Variants in GP6 observed in about 807,000 individuals in gnomAD.
The protein encoded by GP6 is platelet glycoprotein VI.
GP6 carries 45 observed loss-of-function variants against 37.3 expected under a neutral mutation model. That is an observed-to-expected ratio of 1.21 (90% CI 0.95 to 1.55). GP6 has a LOEUF of 1.55. Among genes scored for constraint, GP6 ranks in the 40% most tolerant of loss-of-function variants. The pLI is 0.00. For missense variants in GP6, 813 were observed against 760.2 expected, an observed-to-expected ratio of 1.07 and a Z score of -0.82; for synonymous variants, 340 against 316.4, an observed-to-expected ratio of 1.07 and a Z score of -0.79.
chr19:55,017,500 T>C (rs2073919666), intron 6 of GP6, among the ~76,000 whole-genome samples: 1 of 151,914 alleles, frequency 6.6e-6, no homozygotes, highest in African/African-American at 2.4e-5. Flanking sequence ...AAGGCTTTCT[T>C]GAGGAATTGA....
intron 5 of GP6, among the ~76,000 whole-genome samples, chr19:55,020,465 G>A (rs149507013): frequency 2.6e-4 from 40 of 152,154 alleles, no homozygotes; most frequent in Non-Finnish European, 5.1e-4. Flanking sequence ...GTGAGAACAT[G>A]CAGTGTTTGG....
At chr19:55,034,126 G>GTATATGTGTA (rs1206181262) in intron 1 of GP6, among the ~76,000 whole-genome samples, 1 of 42,516 alleles carries the variant, frequency 2.4e-5, no homozygotes, top group African/African-American at 7.9e-5. Flanking sequence ...ACGTGTATAT[G>GTATATGTGTA]TATGTATATG....
chr19:55,017,768 A>G (rs1246694254), intron 6 of GP6, among the ~76,000 whole-genome samples: 1 of 152,120 alleles, frequency 6.6e-6, no homozygotes, highest in Non-Finnish European at 1.5e-5. Flanking sequence ...GAAGGCTTCC[A>G]TCACAGAACT....
intron 5 of GP6, among the ~76,000 whole-genome samples, chr19:55,021,953 CTTTT>C (rs2146759748): frequency 6.6e-6 from 1 of 151,174 alleles, no homozygotes; most frequent in East Asian, 1.9e-4. Context: ...TAAACGTCTT[CTTTT>C]GAGAAGTGAC....
At chr19:55,035,152 AGT>A (rs2146912212) in intron 1 of GP6, among the ~76,000 whole-genome samples, 1 of 152,314 alleles carries the variant, frequency 6.6e-6, no homozygotes, top group East Asian at 1.9e-4. Context: ...CTAGTGAGAC[AGT>A]ATCTTATCCA....
intron 5 of GP6, among the ~76,000 whole-genome samples, chr19:55,019,106 T>C (rs2073981064): frequency 2.6e-5 from 2 of 78,294 alleles, no homozygotes; most frequent in Admixed American, 1.6e-4. Flanking sequence ...TTCTTTTTTT[T>C]CTTTTTTTTT....
At chr19:55,026,880 C>A (rs4622631) in intron 4 of GP6, among the ~76,000 whole-genome samples, 107,423 of 142,152 alleles carry the variant, frequency 0.76, 41,597 homozygotes, top group East Asian at 0.86. Flanking sequence ...AGTGAGACTT[C>A]GTCAAAAAAA....
chr19:55,023,095 C>T (rs538800589), intron 5 of GP6, among the ~76,000 whole-genome samples: 1 of 152,248 alleles, frequency 6.6e-6, no homozygotes, highest in African/African-American at 2.4e-5. Flanking sequence ...CAGGCTCAGA[C>T]TTCAGACTAT....
At chr19:55,034,631 AGAG>A (rs986883277) in intron 1 of GP6, among the ~76,000 whole-genome samples, 3 of 151,814 alleles carry the variant, frequency 2.0e-5, no homozygotes, top group East Asian at 1.9e-4. Flanking sequence ...CAGAAAACGA[AGAG>A]GAGGAGGAAA....
Position 55,027,672 on chromosome 19 carries a change from G to A in GP6, c.516C>T (p.Ala172=), listed in dbSNP as rs754483221. 3 of 1,612,054 alleles carry A rather than the reference G, an allele frequency of 1.9e-6. No homozygotes were observed. Among genetic ancestry groups the A allele is most frequent in the Admixed American group, 1.7e-5 (1 of 60,008 alleles). ...AGCATCGGTAGGTTCCGCTGTGGGC[G>A]GCGGTCACCGTGATGATGGGAAAAC... is the stretch of plus-strand genomic sequence containing the variant. Residue 172 remains alanine (A), a synonymous_variant, in exon 4 of 8, where the codon GCC becomes GCT. Transcript: ENST00000310373.
chr19:55,033,044 G>C (rs1291665819), intron 1 of GP6, among the ~76,000 whole-genome samples: 4 of 56,040 alleles, frequency 7.1e-5, no homozygotes, highest in Non-Finnish European at 1.7e-4. Context: ...CGGTGGACTC[G>C]TTCGTGTTGT....
At position 55,014,959 on chromosome 19, in the gene GP6, C is replaced by G; in HGVS notation, c.986G>C (p.Arg329Thr). The stretch of plus-strand genomic sequence containing the variant: ...CCGCGGCTGTGAACATCCTGTCGGC[C>G]TCCATCCTGACCCCCGTTTGATTTC... The change falls in exon 8 of 8, where the codon AGG becomes ACG. Residue 329 changes from arginine (R) to threonine (T), a missense_variant. Coordinates refer to ENST00000310373, the MANE Select transcript of GP6 (RefSeq NM_001083899.2). The G allele has an allele frequency of 6.2e-7, 1 of 1,613,682 alleles. No individual in the cohort carries two copies. The highest frequency in any genetic ancestry group is 1.1e-5 in the South Asian group (1 of 91,026).
chr19:55,026,273 T>C (rs896350861), intron 4 of GP6, among the ~76,000 whole-genome samples: 1 of 152,236 alleles, frequency 6.6e-6, no homozygotes, highest in Non-Finnish European at 1.5e-5. Context: ...TGGTACAATA[T>C]GTTGACCTCT....
chr19:55,036,901 T>C (rs4806635), intron 1 of GP6, among the ~76,000 whole-genome samples: 123,763 of 152,054 alleles, frequency 0.81, 50,744 homozygotes, highest in East Asian at 0.98. Flanking sequence ...ATCCCAACTA[T>C]TCGGGAGGCT....
At chr19:55,027,985 A>C (rs2074378084) in intron 3 of GP6, 123 bp from the exon 4 acceptor site, 1 of 922,538 alleles carries the variant, frequency 1.1e-6, no homozygotes, top group Admixed American at 1.8e-5. Flanking sequence ...CAGAGAGCGC[A>C]CTCCCCCACC....
intron 3 of GP6, among the ~76,000 whole-genome samples, chr19:55,030,838 G>A (rs905603016): frequency 1.3e-5 from 2 of 152,030 alleles, no homozygotes; most frequent in African/African-American, 2.4e-5. Context: ...ATATAGTTGT[G>A]TCTATGGTTA....
At chr19:55,026,728 A>G (rs2074317345) in intron 4 of GP6, among the ~76,000 whole-genome samples, 1 of 152,138 alleles carries the variant, frequency 6.6e-6, no homozygotes, top group Non-Finnish European at 1.5e-5. Context: ...TCTACTAAAA[A>G]TACAAAAATT....
At position 55,015,034 on chromosome 19, in the gene GP6, T is replaced by TGCCCC; in HGVS notation, c.906_910dup (p.Gln304ArgfsTer40). On this transcript the variant is annotated frameshift_variant, in exon 8 of 8. Transcript: ENST00000310373. LOFTEE classifies it low-confidence loss of function (END_TRUNC). ...GGCGGAAGCGGCCTCTGCACAGCCC[T>TGCCCC]GCCCCTGTGCCGCAGGCGCTTCCTC... 6.2e-7 allele frequency: 1 copy of TGCCCC among 1,610,412 alleles called. No individual in the cohort carries two copies. Among genetic ancestry groups the TGCCCC allele is most frequent in the Non-Finnish European group, 8.5e-7 (1 of 1,178,504 alleles).
chr19:55,032,075 C>G (rs1013983952), intron 3 of GP6, 64 bp downstream of exon 3: 3 of 1,543,420 alleles, frequency 1.9e-6, no homozygotes, highest in East Asian at 4.6e-5. Context: ...CCCTCAATGT[C>G]CCCCGTATTT....
Sources: gnomAD v4.1 joint callset for allele counts (sites outside exome capture counted in the v4.1 genomes callset) on GRCh38, gnomAD v4.1.1 for gene constraint, MANE v1.5 for transcripts, NCBI Gene and HGNC (gene_info 2026-07-23, HGNC 2026-07-21) for gene names.